Variants in MYBBP1A observed in about 807,000 individuals in gnomAD.
MYBBP1A encodes the protein MYB binding protein 1a, also known as myb-binding protein 1A.
MYBBP1A carries 147 observed loss-of-function variants against 136.3 expected under a neutral mutation model. The ratio of observed to expected loss-of-function variants is 1.08; its 90% CI spans 0.94 to 1.24. The LOEUF is 1.24. Among genes scored for constraint, MYBBP1A ranks in the 50% most tolerant of loss-of-function variants. The pLI is 0.00. For synonymous variants in MYBBP1A, 947 were observed against 735.8 expected (o/e 1.29, Z -4.65); for missense variants, 2,060 against 1,727.4 (o/e 1.19, Z -3.41).
chr17:4,545,815 A>G (rs1906962123), intron 14 of MYBBP1A, 31 bp downstream of exon 14: 1 of 1,610,580 alleles, frequency 6.2e-7, no homozygotes, highest in Admixed American at 1.7e-5. Context: ...CCACCCCACC[A>G]CTCTAGTCCC....
intron 23 of MYBBP1A, 27 bp downstream of exon 23, chr17:4,541,757 G>T: frequency 6.3e-7 from 1 of 1,586,634 alleles, no homozygotes; most frequent in Non-Finnish European, 8.7e-7. Context: ...CTGAGGGGGT[G>T]GGGAAAGGGC....
At chr17:4,555,101 C>T (rs780518071) in intron 1 of MYBBP1A, 26 bp downstream of exon 1, 3 of 1,566,108 alleles carry the variant, frequency 1.9e-6, no homozygotes, top group Admixed American at 1.9e-5. Context: ...TATGCGCAGC[C>T]TCTGCCCCAG....
At chr17:4,554,313 C>CAG in intron 2 of MYBBP1A, 35 bp from the exon 3 acceptor site, 1 of 1,592,960 alleles carries the variant, frequency 6.3e-7, no homozygotes, top group South Asian at 1.1e-5. Context: ...GAAGAGGGTT[C>CAG]AGGAGAGTGG....
intron 15 of MYBBP1A, 44 bp downstream of exon 15, chr17:4,545,566 A>G (rs770216574): frequency 1.7e-5 from 26 of 1,540,704 alleles, no homozygotes; most frequent in Non-Finnish European, 1.8e-5. Context: ...CTCGCTGCTC[A>G]GTGAGCCCCA....
chr17:4,553,972 C>G, intron 4 of MYBBP1A, 47 bp downstream of exon 4: 1 of 1,613,614 alleles, frequency 6.2e-7, no homozygotes, highest in African/African-American at 1.3e-5. Context: ...TGTCCCCCAC[C>G]CATCCCAAGC....
chr17:4,551,835 C>T (rs201366087), intron 8 of MYBBP1A, 45 bp downstream of exon 8: 151 of 1,562,534 alleles, frequency 9.7e-5, no homozygotes, highest in African/African-American at 2.6e-4. Context: ...GAGAGCTCCA[C>T]GTCTAGCCTT....
Position 4,548,327 on chromosome 17 carries a change from G to T in MYBBP1A, c.1557-17C>A. 6.2e-7 allele frequency: 1 copy of T among 1,610,456 alleles called. No homozygotes were observed. On this transcript the variant is annotated splice_polypyrimidine_tract_variant and intron_variant, in intron 11 of 25. Coordinates refer to ENST00000254718, the MANE Select transcript of MYBBP1A (RefSeq NM_014520.4). The surrounding 1 kb of genome is among the most constrained non-coding windows in gnomAD (Gnocchi z 4.2). The stretch of plus-strand genomic sequence containing the variant: ...TGCAACAGACTGGGCAAGGGATGGG[G>T]CTTGGGGTCAGCAGACCAGATGAGT...
Position 4,542,743 on chromosome 17 carries a change from T to TAGGCCAGGGGAGAGCGAGCTGGGTG in MYBBP1A, c.2893-27_2893-3dup, listed in dbSNP as rs541373757. On this transcript the variant is annotated splice_region_variant and splice_polypyrimidine_tract_variant and intron_variant, in intron 20 of 25. Transcript: ENST00000254718. ...GTTCAAGTCCAAGCAGCTGGCAGCCTAGGCCAGGGGAGAGCGAGCTGGGTG... is the reference window on the plus strand; with the variant it reads ...GTTCAAGTCCAAGCAGCTGGCAGCCTAGGCCAGGGGAGAGCGAGCTGGGTGAGGCCAGGGGAGAGCGAGCTGGGTG... The TAGGCCAGGGGAGAGCGAGCTGGGTG allele has an allele frequency of 3.8e-4, 613 of 1,613,756 alleles. 5 individuals carry two copies. In the South Asian group the frequency reaches 6.4e-3, roughly 17 times the overall value.
At position 4,540,486 on chromosome 17, in the gene MYBBP1A, T is replaced by TGCAGAGGGTGGGAAG. The variant is rs1906309012; in HGVS notation, c.3298-17_3298-3dup. ...CACCGTCAGGTCCAAGGTCAGCTTCTGCAGAGGGTGGGAAGGCAGAGCTGT... is the reference window on the plus strand; with the variant it reads ...CACCGTCAGGTCCAAGGTCAGCTTCTGCAGAGGGTGGGAAGGCAGAGGGTGGGAAGGCAGAGCTGT... On this transcript the variant is annotated splice_region_variant and splice_polypyrimidine_tract_variant and intron_variant, in intron 24 of 25. Coordinates refer to ENST00000254718, the MANE Select transcript of MYBBP1A (RefSeq NM_014520.4). The TGCAGAGGGTGGGAAG allele has an allele frequency of 6.2e-7, 1 of 1,606,256 alleles. No individual in the cohort carries two copies. The highest frequency in any genetic ancestry group is 1.1e-5 in the South Asian group (1 of 90,698).
In MYBBP1A at chr17:4,554,969, G is replaced by T; in HGVS notation, c.199-13C>A. 1 of 1,613,088 alleles carries T rather than the reference G, an allele frequency of 6.2e-7. No homozygotes were observed. Reference sequence around the variant, plus strand: ...TCATCTCGGACCCCTGCGGAACCAAGCACACCCTCGTGTTCAATGGTGACA... The same window carrying T: ...TCATCTCGGACCCCTGCGGAACCAATCACACCCTCGTGTTCAATGGTGACA... On this transcript the variant is annotated splice_polypyrimidine_tract_variant and intron_variant, in intron 1 of 25. Coordinates refer to ENST00000254718, the MANE Select transcript of MYBBP1A (RefSeq NM_014520.4).
Position 4,543,092 on chromosome 17 carries a change from C to T in MYBBP1A, c.2713G>A (p.Glu905Lys), listed in dbSNP as rs1265036209. ...CGGCCAGCCTGCTGCACCAACCGCT[C>T]CACCTGGGCGTGCAGGGCCCCTGCG... ...ERAGALHAQV[E>K]RLVQQAGRQP... Residue 905 changes from glutamate to lysine, a missense_variant, in exon 20 of 26, where the codon GAG becomes AAG. Coordinates refer to ENST00000254718, the MANE Select transcript of MYBBP1A (RefSeq NM_014520.4). 5 of 1,613,110 alleles carry T rather than the reference C, an allele frequency of 3.1e-6. No homozygotes were observed. Among genetic ancestry groups the T allele is most frequent in the South Asian group, 1.1e-5 (1 of 91,066 alleles).
At chr17:4,553,429 C>G (rs1907709301) in intron 5 of MYBBP1A, among the ~76,000 whole-genome samples, 1 of 152,234 alleles carries the variant, frequency 6.6e-6, no homozygotes, top group Non-Finnish European at 1.5e-5. Flanking sequence ...CAGAGCTGCA[C>G]TGCCCAATAC....
rs1281507597 is a variant in MYBBP1A, at chr17:4,542,897, G to A, written c.2892+16C>T. The A allele has an allele frequency of 1.9e-5, 31 of 1,613,272 alleles. No individual in the cohort carries two copies. The highest frequency in any genetic ancestry group is 2.4e-5 in the Non-Finnish European group (28 of 1,179,680). On this transcript the variant is annotated intron_variant, in intron 20 of 25. Coordinates refer to ENST00000254718, the MANE Select transcript of MYBBP1A (RefSeq NM_014520.4). Reference sequence around the variant, plus strand: ...GTGAAATGCCTGGGGCTGCTCCTGGGCCAGGCCCTGCTCACCTGCGGGCCC... The same window carrying A: ...GTGAAATGCCTGGGGCTGCTCCTGGACCAGGCCCTGCTCACCTGCGGGCCC...
In MYBBP1A at chr17:4,541,431, G is replaced by A. The variant is rs114082236; in HGVS notation, c.3297+32C>T. On this transcript the variant is annotated intron_variant, in intron 24 of 25. Coordinates refer to ENST00000254718, the MANE Select transcript of MYBBP1A (RefSeq NM_014520.4). ...GCCCCAAGGCCCCCAAGAGGAACCC[G>A]AACACGACCGCGGACTGGGCCCCCG... 5.0e-4 allele frequency: 791 copies of A among 1,595,910 alleles called. 2 individuals are homozygous for A. In the African/African-American group the frequency reaches 7.3e-3, roughly 15 times the overall value.
intron 19 of MYBBP1A, among the ~76,000 whole-genome samples, chr17:4,543,887 T>TA (rs1264296842): frequency 1.6e-5 from 2 of 127,212 alleles, no homozygotes; most frequent in African/African-American, 3.3e-5. Flanking sequence ...ACTCAGACCC[T>TA]TCCCCACGCC....
In MYBBP1A at chr17:4,552,272, A is replaced by G. The variant is rs1331212853; in HGVS notation, c.758T>C (p.Met253Thr). Residue 253 changes from methionine (M) to threonine (T), a missense_variant, in exon 7 of 26, where the codon ATG (methionine) becomes ACG (threonine). Met to Thr is a moderately conservative substitution (Grantham distance 81). Transcript: ENST00000254718. The surrounding 1 kb of genome is among the most constrained non-coding windows in gnomAD (Gnocchi z 4.7). ...NVPRLVNVLK[M>T]AASSVKKDRK... ...GTCCTTCTTCACAGAGGAGGCGGCCATCTTCAGCACATTCACCAGCCTGCG... is the reference window on the plus strand; with the variant it reads ...GTCCTTCTTCACAGAGGAGGCGGCCGTCTTCAGCACATTCACCAGCCTGCG... 1 of 1,614,116 alleles carries G rather than the reference A, an allele frequency of 6.2e-7. No homozygotes were observed. Among genetic ancestry groups the G allele is most frequent in the East Asian group, 2.2e-5 (1 of 44,884 alleles).
rs781251773 is a variant in MYBBP1A, at chr17:4,552,482, C to T, written c.706G>A (p.Val236Met). 38 of 1,613,462 alleles carry T rather than the reference C, an allele frequency of 2.4e-5. No individual in the cohort carries two copies. The highest frequency in any genetic ancestry group is 8.8e-5 in the South Asian group (8 of 91,058). Residue 236 changes from valine (V) to methionine (M), a missense_variant, in exon 6 of 26, where the codon GTG becomes ATG. Physicochemically the swap from Val to Met is conservative, Grantham distance 21. Transcript: ENST00000254718. The surrounding 1 kb of genome is among the most constrained non-coding windows in gnomAD (Gnocchi z 4.7). ...PSKLKKLVGS[V>M]NLFSDENVPR... is the part of the protein sequence containing the mutation. Reference sequence around the variant, plus strand: ...ACATTCTCATCTGAGAATAGGTTCACGGATCCCACCAGCTTCTTGAGCTTG... The same window carrying T: ...ACATTCTCATCTGAGAATAGGTTCATGGATCCCACCAGCTTCTTGAGCTTG...
At chr17:4,543,557 G>A (rs111286608) in intron 19 of MYBBP1A, among the ~76,000 whole-genome samples, 54 of 152,076 alleles carry the variant, frequency 3.6e-4, no homozygotes, top group African/African-American at 1.3e-3. Context: ...GATATAATGG[G>A]GGCAAGAGGC....
Position 4,539,969 on chromosome 17 carries a change from T to G in MYBBP1A, c.3435-2A>C. 6.3e-7 allele frequency: 1 copy of G among 1,597,498 alleles called. No individual in the cohort carries two copies. Among genetic ancestry groups the G allele is most frequent in the East Asian group, 2.2e-5 (1 of 44,844 alleles). ...TCCTTCTTCTCCAACTTGGGGCGCC[T>G]GAAGGGAAGTGAGCAAGGTTAGAAG... On this transcript the variant is annotated splice_acceptor_variant, in intron 25 of 25. Transcript: ENST00000254718. LOFTEE classifies it high-confidence loss of function.
Sources: allele counts gnomAD v4.1 joint callset (sites outside exome capture counted in the v4.1 genomes callset), GRCh38; gene constraint gnomAD v4.1.1; non-coding constraint Gnocchi (gnomAD v3.1); transcripts MANE v1.5; gene names NCBI Gene and HGNC (gene_info 2026-07-23, HGNC 2026-07-21).